MACROD2: variants seen among roughly 807,000 people sequenced by gnomAD.
MACROD2 encodes mono-ADP ribosylhydrolase 2, also known as ADP-ribose glycohydrolase MACROD2.
MACROD2 carries 36 observed loss-of-function variants against 70.4 expected under a neutral mutation model. That is an observed-to-expected ratio of 0.51 (90% CI 0.39 to 0.68). The LOEUF (loss-of-function observed/expected upper bound fraction) is 0.68. Ranked by LOEUF, MACROD2 falls within the 30% of genes least tolerant of loss-of-function variation. The pLI is 0.00. For missense variants in MACROD2, 496 were observed against 538.4 expected (o/e 0.92, Z 0.78); for synonymous variants, 172 against 178.8 (o/e 0.96, Z 0.30).
intron 5 of MACROD2, among the ~76,000 whole-genome samples, chr20:15,142,193 T>A (rs1050710627): frequency 4.6e-5 from 7 of 152,184 alleles, no homozygotes; most frequent in Non-Finnish European, 1.0e-4. Flanking sequence ...ACGCAATACC[T>A]GGTAACTACT....
At chr20:14,162,774 G>C (rs2148718694) in intron 3 of MACROD2, among the ~76,000 whole-genome samples, 1 of 151,990 alleles carries the variant, frequency 6.6e-6, no homozygotes, top group South Asian at 2.1e-4. Flanking sequence ...GTTACTTATA[G>C]GCAGCATATA....
chr20:14,681,066 G>C (rs1319862185), intron 4 of MACROD2, among the ~76,000 whole-genome samples: 1 of 152,062 alleles, frequency 6.6e-6, no homozygotes, highest in Non-Finnish European at 1.5e-5. Flanking sequence ...AATTATCAGG[G>C]AAATGTGCAT....
chr20:15,980,692 C>T (rs1022797852), intron 13 of MACROD2, among the ~76,000 whole-genome samples: 1 of 152,144 alleles, frequency 6.6e-6, no homozygotes, highest in African/African-American at 2.4e-5. Flanking sequence ...TTAACTATGT[C>T]TTTAACTACT....
intron 6 of MACROD2, among the ~76,000 whole-genome samples, chr20:15,411,068 G>A (rs187507845): frequency 3.4e-4 from 51 of 151,784 alleles, no homozygotes; most frequent in Middle Eastern, 3.4e-3. Flanking sequence ...AATAATAATA[G>A]TGGATGATGT....
At chr20:14,317,369 C>T (rs138646085) in intron 3 of MACROD2, among the ~76,000 whole-genome samples, 1 of 152,124 alleles carries the variant, frequency 6.6e-6, no homozygotes, top group African/African-American at 2.4e-5. Context: ...CCTGTAATCC[C>T]AGCACTTTGG....
chr20:15,101,605 T>C (rs1487591021), intron 5 of MACROD2, among the ~76,000 whole-genome samples: 1 of 106,272 alleles, frequency 9.4e-6, no homozygotes, highest in Non-Finnish European at 1.9e-5. Context: ...AATTTAAGAG[T>C]TGGTGGTTGG....
At chr20:14,196,604 C>T (rs887448924) in intron 3 of MACROD2, among the ~76,000 whole-genome samples, 24 of 152,116 alleles carry the variant, frequency 1.6e-4, no homozygotes, top group African/African-American at 5.8e-4. Context: ...TCAAAATAGC[C>T]TAAATAAAAG....
intron 5 of MACROD2, among the ~76,000 whole-genome samples, chr20:14,729,165 A>G (rs923822572): frequency 2.0e-5 from 3 of 152,154 alleles, no homozygotes; most frequent in African/African-American, 7.2e-5. Flanking sequence ...ATAAAACTAT[A>G]TGAATTTCAT....
intron 2 of MACROD2, among the ~76,000 whole-genome samples, chr20:14,004,728 C>A (rs537326138): frequency 1.3e-5 from 2 of 151,828 alleles, no homozygotes; most frequent in South Asian, 4.2e-4. Context: ...ATATTTGAAA[C>A]GTTTTAAGTC....
intron 4 of MACROD2, among the ~76,000 whole-genome samples, chr20:14,664,735 G>A (rs540234441): frequency 1.3e-5 from 2 of 151,960 alleles, no homozygotes; most frequent in South Asian, 2.1e-4. Context: ...CATCTACCAC[G>A]TTCTAAGTGC....
chr20:15,796,295 G>T (rs888904167), intron 8 of MACROD2, among the ~76,000 whole-genome samples: 4 of 152,156 alleles, frequency 2.6e-5, no homozygotes, highest in Admixed American at 2.6e-4. Context: ...CTGCTAAGAC[G>T]CAAGGCAGAT....
chr20:15,580,491 C>T (rs187736709), intron 8 of MACROD2, among the ~76,000 whole-genome samples: 2 of 152,310 alleles, frequency 1.3e-5, no homozygotes, highest in East Asian at 1.9e-4. Context: ...TTGCTCTCCT[C>T]CCCTTCTCTC....
chr20:15,121,284 G>A (rs1298735041), intron 5 of MACROD2, among the ~76,000 whole-genome samples: 2 of 152,116 alleles, frequency 1.3e-5, no homozygotes, highest in African/African-American at 2.4e-5. Flanking sequence ...AGCCAAGGCA[G>A]GTGGATCATC....
chr20:14,356,550 G>C (rs1017368785), intron 3 of MACROD2, among the ~76,000 whole-genome samples: 1 of 148,074 alleles, frequency 6.8e-6, no homozygotes, highest in African/African-American at 2.5e-5. Flanking sequence ...TGTCACCCAG[G>C]GTGGAGGGCA....
At chr20:15,926,579 G>A (rs1332317637) in intron 10 of MACROD2, among the ~76,000 whole-genome samples, 1 of 152,206 alleles carries the variant, frequency 6.6e-6, no homozygotes, top group African/African-American at 2.4e-5. Flanking sequence ...AGGATGGAGT[G>A]TGTGAGGGTG....
At chr20:15,155,184 T>C (rs1329614500) in intron 5 of MACROD2, among the ~76,000 whole-genome samples, 1 of 152,178 alleles carries the variant, frequency 6.6e-6, no homozygotes, top group Non-Finnish European at 1.5e-5. Context: ...TCATGGTAGA[T>C]AATCAATAGA....
chr20:14,528,397 A>C (rs979468749), intron 4 of MACROD2, among the ~76,000 whole-genome samples: 1 of 144,146 alleles, frequency 6.9e-6, no homozygotes, highest in African/African-American at 2.6e-5. Flanking sequence ...CTGGTGATCC[A>C]CCCGCCTCGG....
At chr20:15,361,953 T>C (rs1600294064) in intron 6 of MACROD2, among the ~76,000 whole-genome samples, 5 of 152,226 alleles carry the variant, frequency 3.3e-5, no homozygotes, top group African/African-American at 1.2e-4. Context: ...GGAGATTCCT[T>C]GGAATTTTCT....
At chr20:14,040,509 C>T (rs780948990) in intron 2 of MACROD2, among the ~76,000 whole-genome samples, 18 of 152,076 alleles carry the variant, frequency 1.2e-4, no homozygotes, top group Admixed American at 3.3e-4. Context: ...GTACCCATTA[C>T]CTGAGCAGTG....
Sources: gnomAD v4.1 joint callset for allele counts (sites outside exome capture counted in the v4.1 genomes callset) on GRCh38, gnomAD v4.1.1 for gene constraint, MANE v1.5 for transcripts, NCBI Gene and HGNC (gene_info 2026-07-23, HGNC 2026-07-21) for gene names.